The following HLF variants were observed in gnomAD, a reference collection of about 807,000 sequenced individuals.
The protein encoded by HLF is hepatic leukemia factor.
A neutral mutation model predicts 22.6 loss-of-function variants in HLF; 3 were observed. The ratio of observed to expected loss-of-function variants is 0.13; its 90% CI spans 0.06 to 0.34. The LOEUF is 0.34. Ranked by LOEUF, HLF falls within the 10% of genes least tolerant of loss-of-function variation. HLF has a pLI of 1.00. For missense variants in HLF, 299 were observed against 389.2 expected, an observed-to-expected ratio of 0.77 and a Z score of 1.95; for synonymous variants, 151 against 151.8, an observed-to-expected ratio of 0.99 and a Z score of 0.04.
intron 2 of HLF, among the ~76,000 whole-genome samples, chr17:55,309,411 C>T (rs1357620719): frequency 6.6e-6 from 1 of 152,170 alleles, no homozygotes; most frequent in Non-Finnish European, 1.5e-5. Flanking sequence ...TTTTCAGAGG[C>T]AGGCATGGTT....
At chr17:55,312,696 A>G (rs1454841105) in intron 2 of HLF, among the ~76,000 whole-genome samples, 3 of 152,008 alleles carry the variant, frequency 2.0e-5, no homozygotes, top group Admixed American at 2.0e-4. Flanking sequence ...CTGGAAAGAC[A>G]GTGAGTGAGA....
At chr17:55,314,654 C>G (rs563277656) in intron 2 of HLF, among the ~76,000 whole-genome samples, 2 of 152,336 alleles carry the variant, frequency 1.3e-5, no homozygotes, top group East Asian at 3.9e-4. Flanking sequence ...ATGCAAACCT[C>G]TGTCTTGTCT....
rs148218024 is a variant in HLF at position 55,274,339 on chromosome 17, G to A, written c.451+6253G>A. On this transcript the variant is annotated intron_variant, in intron 2 of 3. Transcript: ENST00000226067. Reference sequence around the variant, plus strand: ...AAAAAAAGTAGAAAATAACATATTAGAGAGGTACAGGGCCTGTGTTTGATT... The same window carrying A: ...AAAAAAAGTAGAAAATAACATATTAAAGAGGTACAGGGCCTGTGTTTGATT... Among the ~76,000 whole-genome samples, 861 of 152,300 alleles carry A rather than the reference G, an allele frequency of 5.7e-3. 5 individuals are homozygous for A. The highest frequency in any genetic ancestry group is 9.4e-3 in the Non-Finnish European group (637 of 68,024).
chr17:55,290,627 C>A (rs1007913372), intron 2 of HLF, among the ~76,000 whole-genome samples: 2 of 152,108 alleles, frequency 1.3e-5, no homozygotes, highest in African/African-American at 4.8e-5. Context: ...ATTCCTGTTC[C>A]CTGAGACACA....
In HLF at chr17:55,325,055, T is replaced by G. The variant is rs1905417151; in HGVS notation, c.*4176T>G. 4.6e-6 allele frequency: 1 copy of G among 215,216 alleles called. No homozygotes were observed. Among genetic ancestry groups the G allele is most frequent in the Non-Finnish European group, 9.4e-6 (1 of 106,526 alleles). 13.3% of individuals were successfully genotyped at this position (215,216 alleles called of 1,614,324 possible). ...TCTTAATGTTGAATAAACTTTGAAT[T>G]TTTTCCTTTCTTTCATGTATTTTTA... On this transcript the variant is annotated 3_prime_UTR_variant, in exon 4 of 4. Coordinates refer to ENST00000226067, the MANE Select transcript of HLF (RefSeq NM_002126.5).
intron 1 of HLF, chr17:55,265,875 G>A (rs2080782922): frequency 5.8e-6 from 7 of 1,216,270 alleles, no homozygotes; most frequent in Admixed American, 4.6e-5. Flanking sequence ...GGTGGGAGGT[G>A]TAACTTGACA....
At chr17:55,292,107 T>C (rs1030449626) in intron 2 of HLF, among the ~76,000 whole-genome samples, 2 of 152,208 alleles carry the variant, frequency 1.3e-5, no homozygotes, top group Admixed American at 6.5e-5. Flanking sequence ...GCTGTGAACA[T>C]TGTTGAAATG....
intron 2 of HLF, among the ~76,000 whole-genome samples, chr17:55,276,490 G>T (rs1418465717): frequency 6.6e-6 from 1 of 152,202 alleles, no homozygotes; most frequent in African/African-American, 2.4e-5. Context: ...TTTGCTCAAG[G>T]CAAAGGTGCC....
At chr17:55,283,278 A>G (rs2080970962) in intron 2 of HLF, among the ~76,000 whole-genome samples, 1 of 152,110 alleles carries the variant, frequency 6.6e-6, no homozygotes. Context: ...TGCCTGTGAT[A>G]GTAGGTTTCA....
chr17:55,297,738 CTTTTTTTTTTT>C (rs34900287), intron 2 of HLF, among the ~76,000 whole-genome samples: 2 of 62,890 alleles, frequency 3.2e-5, no homozygotes, highest in Non-Finnish European at 5.5e-5. Context: ...AACAGCATTT[CTTTTTTTTTTT>C]TTTTTTTTTT....
At chr17:55,269,274 A>T (rs1358041006) in intron 2 of HLF, among the ~76,000 whole-genome samples, 1 of 152,162 alleles carries the variant, frequency 6.6e-6, no homozygotes, top group Non-Finnish European at 1.5e-5. Flanking sequence ...ATTCACTTTG[A>T]ATTATAACTC....
rs543198275 is a variant in HLF, at chr17:55,312,283, A to C, written c.452-2944A>C. Among the ~76,000 whole-genome samples the C allele has an allele frequency of 6.4e-4, 97 of 152,346 alleles. 2 individuals carry two copies. In the South Asian group the frequency reaches 0.02, roughly 31 times the overall value. ...GCTGAACTAATTTATATTCCCACCA[A>C]CAGTATATGAATGTTCCCTTTTCTC... On this transcript the variant is annotated intron_variant, in intron 2 of 3. Transcript: ENST00000226067.
Position 55,323,598 on chromosome 17 carries a change from G to GAGTCTGT in HLF, c.*2721_*2727dup, listed in dbSNP as rs1456082987. 7 of 226,642 alleles carry GAGTCTGT rather than the reference G, an allele frequency of 3.1e-5. No homozygotes were observed. Among genetic ancestry groups the GAGTCTGT allele is most frequent in the African/African-American group, 1.6e-4 (7 of 44,926 alleles). The allele number at this position is 226,642 out of a possible 1,614,324, so 14.0% of individuals were successfully genotyped here. On this transcript the variant is annotated 3_prime_UTR_variant, in exon 4 of 4. Transcript: ENST00000226067. ...TCGTCTTACAAATTTAAACACTTTG[G>GAGTCTGT]AGTCTGTACAGGTGCCTTATATGTA...
chr17:55,319,301 G>T (rs748783802), intron 3 of HLF, among the ~76,000 whole-genome samples: 12 of 152,128 alleles, frequency 7.9e-5, no homozygotes, highest in Non-Finnish European at 1.2e-4. Context: ...CCCAACCCAT[G>T]TGACCTCCTT....
At chr17:55,270,312 T>C (rs2080840217) in intron 2 of HLF, among the ~76,000 whole-genome samples, 2 of 152,140 alleles carry the variant, frequency 1.3e-5, no homozygotes, top group Admixed American at 1.3e-4. Context: ...ATAGTCCTCA[T>C]AGAAAAGGAA....
At chr17:55,305,191 C>T (rs1208594837) in intron 2 of HLF, among the ~76,000 whole-genome samples, 1 of 152,196 alleles carries the variant, frequency 6.6e-6, no homozygotes, top group Middle Eastern at 3.2e-3. Flanking sequence ...TGGTCTCTGG[C>T]CTATCCAGAA....
rs552097386 is a variant in HLF, at chr17:55,288,212, A to G, written c.451+20126A>G. 8.6e-5 allele frequency among the ~76,000 whole-genome samples: 13 copies of G among 151,966 alleles called. No homozygotes were observed. The South Asian group carries it at 2.1e-3, about 24-fold the overall frequency. On this transcript the variant is annotated intron_variant, in intron 2 of 3. Transcript: ENST00000226067. ...ACCCAGGCTGGAGTGCAGTGGCGCA[A>G]TCTCAGCTCATGGTAACCTCTGCCT...
intron 2 of HLF, among the ~76,000 whole-genome samples, chr17:55,282,490 T>G (rs1406778353): frequency 1.3e-5 from 2 of 152,216 alleles, no homozygotes; most frequent in African/African-American, 4.8e-5. Context: ...TCAATGTCCA[T>G]TATTATTTCC....
chr17:55,267,993 G>C lies in HLF; in HGVS notation c.358G>C (p.Ala120Pro). ...PPGLQPASSA[A>P]PSVMDLSSRA... The stretch of plus-strand genomic sequence containing the variant: ...TGGGCTGCAGCCAGCTTCCTCGGCT[G>C]CCCCCTCGGTCATGGACCTCAGCAG... Residue 120 changes from alanine to proline, a missense_variant, in exon 2 of 4, where the codon GCC becomes CCC. By Grantham distance (27) the Ala-to-Pro change is conservative. Around this residue, in one of 3 missense-constraint regions of HLF, gnomAD observed 224 missense variants for 298.1 expected, o/e 0.75. Coordinates refer to ENST00000226067, the MANE Select transcript of HLF (RefSeq NM_002126.5). 6.2e-7 allele frequency: 1 copy of C among 1,613,716 alleles called. No individual in the cohort carries two copies. The highest frequency in any genetic ancestry group is 8.5e-7 in the Non-Finnish European group (1 of 1,179,834).
Sources: allele counts gnomAD v4.1 joint callset (sites outside exome capture counted in the v4.1 genomes callset), GRCh38; gene constraint gnomAD v4.1.1; regional missense constraint gnomAD v4.1.1; transcripts MANE v1.5; gene names NCBI Gene and HGNC (gene_info 2026-07-23, HGNC 2026-07-21).